CAST: variants seen among roughly 807,000 people sequenced by gnomAD.
CAST encodes calpastatin.
Under a neutral mutation model 119.6 loss-of-function variants are expected in CAST, and 76 were observed. The ratio of observed to expected loss-of-function variants is 0.64; its 90% confidence interval spans 0.53 to 0.77. CAST has a LOEUF of 0.77. CAST is among the 30% of genes least tolerant of loss of function. CAST has a pLI of 0.00. For missense variants in CAST, 953 were observed against 946.5 expected (o/e 1.01, Z -0.09); for synonymous variants, 319 against 331.6 (o/e 0.96, Z 0.41).
At chr5:96,370,752 G>T in the CAST span, among the ~76,000 whole-genome samples, 1 of 152,116 alleles carries the variant, frequency 6.6e-6, no homozygotes, top group East Asian at 1.9e-4. Context: ...GACCTGATGT[G>T]GTGGAATTAT....
At chr5:96,617,527 T>A (rs6872277) in intron 1 of CAST, among the ~76,000 whole-genome samples, 48 of 151,982 alleles carry the variant, frequency 3.2e-4, no homozygotes, top group Non-Finnish European at 2.9e-5. Flanking sequence ...CGGTGGCTCA[T>A]GCCTGTAATC....
At chr5:96,571,072 T>A (rs1400193856) in intron 1 of CAST, among the ~76,000 whole-genome samples, 1 of 152,008 alleles carries the variant, frequency 6.6e-6, no homozygotes, top group African/African-American at 2.4e-5. Context: ...ACTGTTGGAG[T>A]TTTCTTGACC....
the CAST span, among the ~76,000 whole-genome samples, chr5:96,136,659 A>G: frequency 6.6e-6 from 1 of 152,234 alleles, no homozygotes; most frequent in Non-Finnish European, 1.5e-5. Flanking sequence ...ATTATGCTCA[A>G]TATGAGTTTA....
chr5:95,999,382 C>T, the CAST span, among the ~76,000 whole-genome samples: 10,446 of 152,098 alleles, frequency 0.069, 730 homozygotes, highest in African/African-American at 0.18. Context: ...CATAGTTTCA[C>T]TCTATTGCCT....
chr5:96,314,863 T>C, the CAST span, among the ~76,000 whole-genome samples: 3 of 152,234 alleles, frequency 2.0e-5, no homozygotes. Flanking sequence ...TAAATACTTT[T>C]GACTGACCCT....
At chr5:96,501,396 A>G in the CAST span, among the ~76,000 whole-genome samples, 1 of 152,230 alleles carries the variant, frequency 6.6e-6, no homozygotes, top group Non-Finnish European at 1.5e-5. Context: ...TACTAGTTAA[A>G]TATCAGTCAA....
the CAST span, among the ~76,000 whole-genome samples, chr5:96,069,804 C>T: frequency 2.7e-3 from 414 of 151,888 alleles, 6 homozygotes; most frequent in Middle Eastern, 3.4e-3. Flanking sequence ...CCCAGCCTAT[C>T]TATCTTGATT....
the CAST span, among the ~76,000 whole-genome samples, chr5:96,493,111 A>C: frequency 6.6e-6 from 1 of 152,250 alleles, no homozygotes; most frequent in East Asian, 1.9e-4. Flanking sequence ...GGAGGATAGA[A>C]ACAGTGCTTT....
At chr5:96,425,067 A>AGAAG in the CAST span, among the ~76,000 whole-genome samples, 1 of 146,984 alleles carries the variant, frequency 6.8e-6, no homozygotes, top group Non-Finnish European at 1.5e-5. Flanking sequence ...AAAGAAAGAA[A>AGAAG]GAAAGAAAAC....
the CAST span, among the ~76,000 whole-genome samples, chr5:95,972,050 C>T: frequency 6.6e-6 from 1 of 151,116 alleles, no homozygotes; most frequent in Middle Eastern, 3.4e-3. Flanking sequence ...GCCTGAAAGT[C>T]CTGGCTTCAA....
chr5:96,666,257 A>ACAC (rs1749318648), intron 1 of CAST, among the ~76,000 whole-genome samples: 1 of 150,044 alleles, frequency 6.7e-6, no homozygotes, highest in African/African-American at 2.5e-5. Flanking sequence ...GGTTGTAGTA[A>ACAC]ACACACACAC....
intron 3 of CAST, among the ~76,000 whole-genome samples, chr5:96,708,253 A>G (rs983127974): frequency 7.9e-5 from 12 of 152,160 alleles, no homozygotes; most frequent in African/African-American, 2.9e-4. Context: ...GGGAACTGAA[A>G]CTGGTAACCA....
At chr5:96,656,328 C>T (rs535023495) in intron 1 of CAST, among the ~76,000 whole-genome samples, 1 of 152,264 alleles carries the variant, frequency 6.6e-6, no homozygotes, top group Non-Finnish European at 1.5e-5. Context: ...ACTGTTAAAA[C>T]AAAAATGAGG....
chr5:96,688,912 G>T (rs1752390806), intron 2 of CAST, among the ~76,000 whole-genome samples: 1 of 152,156 alleles, frequency 6.6e-6, no homozygotes, highest in South Asian at 2.1e-4. Flanking sequence ...GTGTATTTGA[G>T]ATTTTTTACT....
the CAST span, among the ~76,000 whole-genome samples, chr5:96,111,756 G>T: frequency 6.6e-6 from 1 of 152,088 alleles, no homozygotes; most frequent in Non-Finnish European, 1.5e-5. Flanking sequence ...AGTACTGATG[G>T]GAGTCAAGGT....
At chr5:96,281,255 G>A in the CAST span, among the ~76,000 whole-genome samples, 3 of 152,162 alleles carry the variant, frequency 2.0e-5, no homozygotes, top group Non-Finnish European at 4.4e-5. Context: ...CAAGTAAATA[G>A]GCTGGCTTAT....
the CAST span, among the ~76,000 whole-genome samples, chr5:96,296,540 A>G: frequency 7.9e-5 from 12 of 152,212 alleles, no homozygotes; most frequent in Non-Finnish European, 1.8e-4. Flanking sequence ...TCTGGAGAAT[A>G]AATTCTCAGA....
the CAST span, among the ~76,000 whole-genome samples, chr5:96,109,933 TAA>T: frequency 3.6e-3 from 530 of 146,660 alleles, 2 homozygotes; most frequent in African/African-American, 4.7e-3. Context: ...GTAAAAATGA[TAA>T]AAAAAAAAGA....
chr5:96,108,839 A>T, the CAST span, among the ~76,000 whole-genome samples: 1 of 152,198 alleles, frequency 6.6e-6, no homozygotes, highest in Non-Finnish European at 1.5e-5. Context: ...GCCACCTTGC[A>T]GTTGGATCTC....
Sources: gnomAD v4.1 joint callset for allele counts (sites outside exome capture counted in the v4.1 genomes callset) on GRCh38, gnomAD v4.1.1 for gene constraint, MANE v1.5 for transcripts, NCBI Gene and HGNC (gene_info 2026-07-23, HGNC 2026-07-21) for gene names.